Variants in ALPK3 observed in about 807,000 individuals in gnomAD.
ALPK3 encodes the protein alpha-protein kinase 3.
Under a neutral mutation model 140.0 loss-of-function variants are expected in ALPK3, and 102 were observed. The ratio of observed to expected loss-of-function variants is 0.73; its 90% confidence interval spans 0.62 to 0.86. ALPK3 has a LOEUF of 0.86. Ranked by LOEUF, ALPK3 falls within the 40% of genes least tolerant of loss-of-function variation. The pLI is 0.00. For synonymous variants in ALPK3, 938 were observed against 898.5 expected (o/e 1.04, Z -0.79); for missense variants, 2,254 against 2,208.2 (o/e 1.02, Z -0.42).
Position 84,873,132 on chromosome 15 carries a change from C to A in ALPK3, c.*4676C>A, listed in dbSNP as rs1964094090. The A allele has an allele frequency of 6.6e-6, 1 of 152,140 alleles. No homozygotes were observed. The allele number at this position is 152,140 out of a possible 1,614,324, so 9.4% of individuals were successfully genotyped here. On this transcript the variant is annotated 3_prime_UTR_variant, in exon 14 of 14. Coordinates refer to ENST00000258888, the MANE Select transcript of ALPK3 (RefSeq NM_020778.5). ...CGTTCACAGCAGCTCTTTCAAGCAG[C>A]CTCCCAGGCCTAGAGAGGAAAATCA...
rs1449915849 is a variant in ALPK3 at position 84,858,484 on chromosome 15, C to T, written c.3746C>T (p.Thr1249Ile). The change falls in exon 6 of 14, where the codon ACA (threonine) becomes ATA (isoleucine). Residue 1249 changes from threonine to isoleucine, a missense_variant. Around this residue, in one of 3 missense-constraint regions of ALPK3, gnomAD observed 2,088 missense variants for 2,022.9 expected, o/e 1.03. Transcript: ENST00000258888. Reference protein sequence around the residue: ...GPSPKAGGLDTEVALDEGKQE... With the variant: ...GPSPKAGGLDIEVALDEGKQE... ...AGCCCCAAGGCCGGCGGTCTGGACA[C>T]AGAGGTGGCCCTGGATGAAGGCAAG... The T allele has an allele frequency of 6.3e-7, 1 of 1,578,990 alleles. No homozygotes were observed. Among genetic ancestry groups the T allele is most frequent in the Non-Finnish European group, 8.6e-7 (1 of 1,168,150 alleles).
At chr15:84,844,065 C>A (rs1963697977) in intron 5 of ALPK3, among the ~76,000 whole-genome samples, 1 of 152,150 alleles carries the variant, frequency 6.6e-6, no homozygotes, top group Non-Finnish European at 1.5e-5. Context: ...CCTGTCTCTA[C>A]TAACAATACA....
At chr15:84,867,965 C>T in intron 13 of ALPK3, 146 bp from the exon 14 acceptor site, 1 of 814,718 alleles carries the variant, frequency 1.2e-6, no homozygotes, top group Non-Finnish European at 2.0e-6. Context: ...CCTGAGGTAG[C>T]ACCAAGGGAG....
rs2141572842 is a variant in ALPK3 at position 84,862,920 on chromosome 15, T to C, written c.4410+5T>C. On this transcript the variant is annotated splice_donor_5th_base_variant and intron_variant, in intron 10 of 13. Coordinates refer to ENST00000258888, the MANE Select transcript of ALPK3 (RefSeq NM_020778.5). Reference sequence around the variant, plus strand: ...AACTACGACGTCACCATCCAGGTACTATGTCCCATCTTCACACCCCATTCT... The same window carrying C: ...AACTACGACGTCACCATCCAGGTACCATGTCCCATCTTCACACCCCATTCT... 1 of 1,611,678 alleles carries C rather than the reference T, an allele frequency of 6.2e-7. No individual in the cohort carries two copies. The highest frequency in any genetic ancestry group is 2.2e-5 in the East Asian group (1 of 44,812).
At chr15:84,865,676 C>T (rs765629982) in intron 12 of ALPK3, among the ~76,000 whole-genome samples, 18 of 152,268 alleles carry the variant, frequency 1.2e-4, no homozygotes, top group Admixed American at 3.9e-4. Context: ...GCTTTAAAGT[C>T]GGCTGGGCGC....
rs747292928 is a variant in ALPK3, at chr15:84,827,391, A to G, written c.183-93A>G. 207 of 1,547,722 alleles carry G rather than the reference A, an allele frequency of 1.3e-4. No individual in the cohort carries two copies. The Middle Eastern group carries it at 1.7e-3, about 13-fold the overall frequency. On this transcript the variant is annotated intron_variant, in intron 2 of 13. Coordinates refer to ENST00000258888, the MANE Select transcript of ALPK3 (RefSeq NM_020778.5). The stretch of plus-strand genomic sequence containing the variant: ...CAGCTCTGGCCACAGGAAGATGGGC[A>G]GGCATGGTAAGACGGAAGCTGCCTT...
Position 84,840,892 on chromosome 15 carries a change from G to C in ALPK3, c.1613G>C (p.Ser538Thr). Residue 538 changes from serine to threonine, a missense_variant, in exon 5 of 14, where the codon AGC becomes ACC. Transcript: ENST00000258888. Reference sequence around the variant, plus strand: ...CGGCGGAGACATGGCACCCGGGACAGCACGTTGCAGGGGCAAGCAGGCCAC... The same window carrying C: ...CGGCGGAGACATGGCACCCGGGACACCACGTTGCAGGGGCAAGCAGGCCAC... ...PARRRHGTRDSTLQGQAGHRT... is the reference protein window; with the variant it reads ...PARRRHGTRDTTLQGQAGHRT... The C allele has an allele frequency of 6.2e-7, 1 of 1,611,598 alleles. No homozygotes were observed.
In ALPK3 at chr15:84,839,721, G is replaced by T; in HGVS notation, c.442G>T (p.Ala148Ser). ...QLYRCREEDA[A>S]IYQASAQNSK... ...CTCTAGGTGTCGAGAAGAAGATGCC[G>T]CCATCTACCAGGCCTCTGCCCAGAA... The change falls in exon 5 of 14, where the codon GCC (alanine) becomes TCC (serine). Residue 148 changes from alanine to serine, a missense_variant. Ala to Ser is a moderately conservative substitution (Grantham distance 99). Coordinates refer to ENST00000258888, the MANE Select transcript of ALPK3 (RefSeq NM_020778.5). 6.2e-7 allele frequency: 1 copy of T among 1,605,566 alleles called. No individual in the cohort carries two copies. Among genetic ancestry groups the T allele is most frequent in the Non-Finnish European group, 8.5e-7 (1 of 1,174,420 alleles).
intron 5 of ALPK3, among the ~76,000 whole-genome samples, chr15:84,842,833 G>A (rs1055932684): frequency 1.3e-5 from 2 of 152,172 alleles, no homozygotes; most frequent in African/African-American, 4.8e-5. Flanking sequence ...TTTGGCCACT[G>A]GAATGGTAAG....
At position 84,832,236 on chromosome 15, in the gene ALPK3, G is replaced by C. The variant is rs548285578; in HGVS notation, c.304+4631G>C. On this transcript the variant is annotated intron_variant, in intron 3 of 13. Transcript: ENST00000258888. ...CTTTGGGGATTTTCTGGTGTCGAAA[G>C]GATAGTTCTCAGTTTTCTCCACTGC... 4.6e-5 allele frequency among the ~76,000 whole-genome samples: 7 copies of C among 152,286 alleles called. No homozygotes were observed. In the East Asian group the frequency reaches 1.4e-3, roughly 29 times the overall value.
At chr15:84,833,647 C>A (rs1963567776) in intron 3 of ALPK3, among the ~76,000 whole-genome samples, 2 of 152,198 alleles carry the variant, frequency 1.3e-5, no homozygotes, top group South Asian at 4.1e-4. Flanking sequence ...CCCACCAGGG[C>A]CCTGTCAGGC....
intron 3 of ALPK3, among the ~76,000 whole-genome samples, chr15:84,831,678 G>A (rs754551002): frequency 2.6e-5 from 4 of 151,920 alleles, no homozygotes; most frequent in African/African-American, 4.8e-5. Flanking sequence ...ATTAATCTTC[G>A]ATTGTAGGCT....
chr15:84,851,863 C>T (rs778252519), intron 5 of ALPK3, among the ~76,000 whole-genome samples: 5 of 152,062 alleles, frequency 3.3e-5, no homozygotes, highest in Admixed American at 6.6e-5. Flanking sequence ...TATACCTGTA[C>T]GATTAATTCC....
chr15:84,853,838 GATAACATTC>G (rs1963832888), intron 5 of ALPK3, among the ~76,000 whole-genome samples: 1 of 151,572 alleles, frequency 6.6e-6, no homozygotes, highest in South Asian at 2.1e-4. Flanking sequence ...TTCCCACATC[GATAACATTC>G]ATTCAAAATT....
At position 84,868,560 on chromosome 15, in the gene ALPK3, C is replaced by A; in HGVS notation, c.*104C>A. ...TATGGAACTAACTGGAGAAGGTGCACGAAGGAGACACCACTTGGGGACCTC... is the reference window on the plus strand; with the variant it reads ...TATGGAACTAACTGGAGAAGGTGCAAGAAGGAGACACCACTTGGGGACCTC... On this transcript the variant is annotated 3_prime_UTR_variant, in exon 14 of 14. Transcript: ENST00000258888. The A allele has an allele frequency of 8.7e-7, 1 of 1,145,124 alleles. No homozygotes were observed. The highest frequency in any genetic ancestry group is 1.2e-6 in the Non-Finnish European group (1 of 831,950). The allele number at this position is 1,145,124 out of a possible 1,614,324, so 70.9% of individuals were successfully genotyped here.
At chr15:84,866,144 A>G (rs891385265) in intron 12 of ALPK3, among the ~76,000 whole-genome samples, 6 of 152,166 alleles carry the variant, frequency 3.9e-5, no homozygotes, top group Non-Finnish European at 5.9e-5. Context: ...AAGTGAGACC[A>G]TATTTGTGAA....
rs1166482056 is a variant in ALPK3, at chr15:84,870,015, C to T, written c.*1559C>T. On this transcript the variant is annotated 3_prime_UTR_variant, in exon 14 of 14. Coordinates refer to ENST00000258888, the MANE Select transcript of ALPK3 (RefSeq NM_020778.5). ...TTGCTCTTCATTCAGAAGAGGAACA[C>T]AAAGGAAGCCACCCAGGAAGGAAGC... 6.6e-6 allele frequency: 1 copy of T among 152,214 alleles called. No homozygotes were observed. The highest frequency in any genetic ancestry group is 1.5e-5 in the Non-Finnish European group (1 of 68,072). The allele number at this position is 152,214 out of a possible 1,614,324, so 9.4% of individuals were successfully genotyped here. A position where few individuals can be genotyped will look rare whatever the true frequency, so the allele number is the denominator to read the frequency against.
intron 3 of ALPK3, among the ~76,000 whole-genome samples, chr15:84,834,596 C>T (rs181488040): frequency 1.3e-5 from 2 of 152,340 alleles, no homozygotes; most frequent in South Asian, 2.1e-4. Flanking sequence ...TTTTTGAAAA[C>T]TTTAAATTTC....
intron 12 of ALPK3, among the ~76,000 whole-genome samples, chr15:84,866,885 G>T (rs958483834): frequency 6.6e-5 from 10 of 152,168 alleles, no homozygotes; most frequent in African/African-American, 2.4e-4. Flanking sequence ...TGATCCAGTA[G>T]AGGCAGGATT....
Sources: gnomAD v4.1 joint callset for allele counts (sites outside exome capture counted in the v4.1 genomes callset) on GRCh38, gnomAD v4.1.1 for gene constraint, gnomAD v4.1.1 regional missense constraint, MANE v1.5 for transcripts, NCBI Gene and HGNC (gene_info 2026-07-23, HGNC 2026-07-21) for gene names.